DZIP1: variants seen among roughly 807,000 people sequenced by gnomAD.
DZIP1 encodes cilium assembly protein DZIP1.
In DZIP1, 97 loss-of-function variants were observed where a neutral mutation model predicts 107.6. That is an observed-to-expected ratio of 0.90 (90% CI 0.77 to 1.07). The LOEUF is 1.07. DZIP1 is among the 50% of genes least tolerant of loss of function. DZIP1 has a pLI of 0.00. For synonymous variants in DZIP1, 390 were observed against 386.4 expected (o/e 1.01, Z -0.11); for missense variants, 1,035 against 1,063.6 (o/e 0.97, Z 0.37).
chr13:95,592,499 A>T (rs1243692231), intron 16 of DZIP1, among the ~76,000 whole-genome samples: 1 of 152,214 alleles, frequency 6.6e-6, no homozygotes, highest in African/African-American at 2.4e-5. Flanking sequence ...GAGTTGATGA[A>T]AGATGTGGAG....
chr13:95,590,350 AAGTT>A lies in DZIP1; in HGVS notation c.1768_1771del (p.Asn590PhefsTer43), dbSNP rs2044279685. The A allele has an allele frequency of 1.2e-6, 2 of 1,613,834 alleles. No homozygotes were observed. Among genetic ancestry groups the A allele is most frequent in the African/African-American group, 1.3e-5 (1 of 74,908 alleles). ...TTCAAGGAATTCTCGAATTTGATGA[AAGTT>A]AGGTATTTCTCTTTCTTGCTTATGT... On this transcript the variant is annotated frameshift_variant, in exon 17 of 23. Transcript: ENST00000376829. LOFTEE classifies it high-confidence loss of function.
At chr13:95,621,861 G>A (rs775212604) in intron 9 of DZIP1, among the ~76,000 whole-genome samples, 11 of 151,828 alleles carry the variant, frequency 7.2e-5, no homozygotes, top group Non-Finnish European at 1.2e-4. Context: ...GGGATTACAG[G>A]CATCTGCTAC....
chr13:95,585,760 T>C (rs918653216), intron 21 of DZIP1, among the ~76,000 whole-genome samples: 1 of 152,242 alleles, frequency 6.6e-6, no homozygotes, highest in Non-Finnish European at 1.5e-5. Context: ...TATCAGATAA[T>C]ACATGTGACA....
At chr13:95,616,765 G>A (rs528321483) in intron 10 of DZIP1, among the ~76,000 whole-genome samples, 5 of 152,208 alleles carry the variant, frequency 3.3e-5, no homozygotes, top group African/African-American at 9.6e-5. Context: ...TTGGTCTGAG[G>A]AGAACCTCCA....
chr13:95,637,785 C>T (rs983604219), intron 5 of DZIP1, among the ~76,000 whole-genome samples: 7 of 152,274 alleles, frequency 4.6e-5, no homozygotes, highest in African/African-American at 1.7e-4. Flanking sequence ...TGAGAAAATA[C>T]ATTTCTGTTG....
At chr13:95,642,372 C>T (rs1307450928) in intron 3 of DZIP1, 131 bp from the exon 4 acceptor site, 1 of 273,792 alleles carries the variant, frequency 3.7e-6, no homozygotes, top group Non-Finnish European at 6.8e-6. Context: ...CACTCCATGT[C>T]CCTAAGGCAG....
At chr13:95,630,174 T>A in intron 6 of DZIP1, 61 bp from the exon 7 acceptor site, 1 of 1,564,832 alleles carries the variant, frequency 6.4e-7, no homozygotes, top group South Asian at 1.2e-5. Context: ...TGGAAACTTA[T>A]GGGGTACAGT....
intron 10 of DZIP1, 107 bp from the exon 11 acceptor site, chr13:95,612,284 ATCCGT>A (rs2045037871): frequency 5.8e-6 from 7 of 1,212,472 alleles, no homozygotes; most frequent in Non-Finnish European, 8.0e-6. Flanking sequence ...GCCTGATGCT[ATCCGT>A]GCGCATCAAG....
chr13:95,622,174 A>T (rs1407066207), intron 9 of DZIP1, among the ~76,000 whole-genome samples, 169 bp downstream of exon 9: 1 of 152,236 alleles, frequency 6.6e-6, no homozygotes, highest in Non-Finnish European at 1.5e-5. Context: ...GCAAGCATGT[A>T]ACAAACACCT....
intron 7 of DZIP1, among the ~76,000 whole-genome samples, chr13:95,626,610 T>C (rs1262657526): frequency 6.6e-6 from 1 of 152,138 alleles, no homozygotes; most frequent in African/African-American, 2.4e-5. Context: ...TTCTACCAAC[T>C]ATTTTAAAAA....
At chr13:95,597,384 A>G (rs1344376142) in intron 15 of DZIP1, among the ~76,000 whole-genome samples, 1 of 152,252 alleles carries the variant, frequency 6.6e-6, no homozygotes, top group Admixed American at 6.5e-5. Flanking sequence ...TATCTTGGAC[A>G]TCAGTAAATG....
intron 7 of DZIP1, among the ~76,000 whole-genome samples, chr13:95,628,518 T>TA (rs1876825377): frequency 6.6e-6 from 1 of 152,184 alleles, no homozygotes; most frequent in Admixed American, 6.5e-5. Flanking sequence ...ATATTGTGAA[T>TA]ACACTAAACG....
chr13:95,624,847 A>G lies in DZIP1; in HGVS notation c.893T>C (p.Val298Ala). 6.2e-7 allele frequency: 1 copy of G among 1,612,636 alleles called. No individual in the cohort carries two copies. The highest frequency in any genetic ancestry group is 1.3e-5 in the African/African-American group (1 of 75,020). Residue 298 changes from valine (V) to alanine (A), a missense_variant, in exon 8 of 23, where the codon GTT (valine) becomes GCT (alanine). By Grantham distance (64) the Val-to-Ala change is moderately conservative. Transcript: ENST00000376829. ...CTCCTTGACTTTTTCCATTTCATCAACTAGTTTCTCCTTTTCTTCTTCTTT... is the reference window on the plus strand; with the variant it reads ...CTCCTTGACTTTTTCCATTTCATCAGCTAGTTTCTCCTTTTCTTCTTCTTT... Reference protein sequence around the residue: ...RWKEEEKEKLVDEMEKVKEMF... With the variant: ...RWKEEEKEKLADEMEKVKEMF...
chr13:95,597,609 G>T, intron 15 of DZIP1, among the ~76,000 whole-genome samples: 1 of 152,192 alleles, frequency 6.6e-6, no homozygotes, highest in East Asian at 1.9e-4. Flanking sequence ...AAGGCAATGT[G>T]GGGCAAAAGA....
intron 9 of DZIP1, 147 bp downstream of exon 9, chr13:95,622,196 G>A (rs969399992): frequency 1.1e-4 from 102 of 943,056 alleles, no homozygotes; most frequent in Non-Finnish European, 1.5e-4. Context: ...TTATGATTTA[G>A]GCATGCTGTA....
chr13:95,628,062 G>C (rs957059936), intron 7 of DZIP1, among the ~76,000 whole-genome samples: 2 of 150,744 alleles, frequency 1.3e-5, no homozygotes, highest in Non-Finnish European at 3.0e-5. Flanking sequence ...TTTTTTTTCA[G>C]ATGGGGTCTC....
intron 13 of DZIP1, among the ~76,000 whole-genome samples, chr13:95,607,793 G>T (rs2044830903): frequency 6.6e-6 from 1 of 152,150 alleles, no homozygotes; most frequent in African/African-American, 2.4e-5. Flanking sequence ...CTAAACTACA[G>T]AATTCATTCC....
In DZIP1 at chr13:95,622,434, A is replaced by AT; in HGVS notation, c.1018dup (p.Ile340AsnfsTer11). 2 of 1,614,230 alleles carry AT rather than the reference A, an allele frequency of 1.2e-6. No homozygotes were observed. The highest frequency in any genetic ancestry group is 1.7e-6 in the Non-Finnish European group (2 of 1,180,024). ...CTCGTGTGCATCTTTTAATGTGCCT[A>AT]TGTTGGACTTGATCTGCATATTGGA... On this transcript the variant is annotated frameshift_variant, in exon 9 of 23. Coordinates refer to ENST00000376829, the MANE Select transcript of DZIP1 (RefSeq NM_198968.4). LOFTEE classifies it high-confidence loss of function.
At chr13:95,625,552 T>C (rs1876432353) in intron 7 of DZIP1, among the ~76,000 whole-genome samples, 1 of 152,334 alleles carries the variant, frequency 6.6e-6, no homozygotes, top group Admixed American at 6.5e-5. Context: ...ATAAAGTGTT[T>C]CTCAGATTTA....
Sources: gnomAD v4.1 joint callset for allele counts (sites outside exome capture counted in the v4.1 genomes callset) on GRCh38, gnomAD v4.1.1 for gene constraint, MANE v1.5 for transcripts, NCBI Gene and HGNC (gene_info 2026-07-23, HGNC 2026-07-21) for gene names.